GNAI2: variants seen among roughly 807,000 people sequenced by gnomAD.
GNAI2 encodes guanine nucleotide-binding protein G(i) subunit alpha-2.
GNAI2 carries 4 observed loss-of-function variants against 36.8 expected under a neutral mutation model. That is an observed-to-expected ratio of 0.11 (90% CI 0.05 to 0.25). The LOEUF (loss-of-function observed/expected upper bound fraction) is 0.25, where lower values mean the gene tolerates loss of function less well. Ranked by LOEUF, GNAI2 falls within the 10% of genes least tolerant of loss-of-function variation. The pLI, the probability that GNAI2 is intolerant of heterozygous loss-of-function variation, is 1.00. For missense variants in GNAI2, 230 were observed against 481.3 expected (o/e 0.48, Z 4.89); for synonymous variants, 194 against 194.1 (o/e 1.00, Z 0.01).
intron 4 of GNAI2, among the ~76,000 whole-genome samples, chr3:50,254,848 C>T (rs1700650455): frequency 6.6e-6 from 1 of 152,238 alleles, no homozygotes; most frequent in Non-Finnish European, 1.5e-5. Context: ...CTTGATAGCT[C>T]CCCCTGGGAA....
At chr3:50,244,291 A>G (rs1397460743) in intron 1 of GNAI2, among the ~76,000 whole-genome samples, 4 of 152,060 alleles carry the variant, frequency 2.6e-5, no homozygotes, top group Admixed American at 2.6e-4. Flanking sequence ...GGCCTCCCAG[A>G]GTGCTGGGAT....
rs1339252509 is a variant in GNAI2, at chr3:50,242,879, A to G, written c.118+6426A>G. Among the ~76,000 whole-genome samples, 2 of 152,270 alleles carry G rather than the reference A, an allele frequency of 1.3e-5. No homozygotes were observed. Among genetic ancestry groups the G allele is most frequent in the African/African-American group, 4.8e-5 (2 of 41,554 alleles). On this transcript the variant is annotated intron_variant, in intron 1 of 8. Coordinates refer to ENST00000313601, the MANE Select transcript of GNAI2 (RefSeq NM_002070.4). This position sits in a 1 kb window ranked among gnomAD's most constrained non-coding sequence, Gnocchi z 4.8. ...GCTGCTGACAGCCTCAGGATATGCA[A>G]AGGAGGTGATGGCAGCACCTACTGT...
chr3:50,244,997 ATTTTT>A (rs11431707), intron 1 of GNAI2, among the ~76,000 whole-genome samples: 3 of 139,874 alleles, frequency 2.1e-5, no homozygotes, highest in Non-Finnish European at 4.7e-5. Flanking sequence ...TGATGCTGTG[ATTTTT>A]TTTTTTTTTT....
rs587738133 is a variant in GNAI2 at position 50,241,606 on chromosome 3, C to T, written c.118+5153C>T. Among the ~76,000 whole-genome samples, 7 of 152,252 alleles carry T rather than the reference C, an allele frequency of 4.6e-5. No homozygotes were observed. The highest frequency in any genetic ancestry group is 3.9e-4 in the East Asian group (2 of 5,188). On this transcript the variant is annotated intron_variant, in intron 1 of 8. Coordinates refer to ENST00000313601, the MANE Select transcript of GNAI2 (RefSeq NM_002070.4). This position sits in a 1 kb window ranked among gnomAD's most constrained non-coding sequence, Gnocchi z 5.0. The stretch of plus-strand genomic sequence containing the variant: ...GGAGCTCAGCTGGGGGCATCCCAGG[C>T]GGGTTGGGGAGAGGAACCCCAGACA...
rs1346751705 is a variant in GNAI2, at chr3:50,255,039, C to G, written c.465-1153C>G. On this transcript the variant is annotated intron_variant, in intron 4 of 8. Coordinates refer to ENST00000313601, the MANE Select transcript of GNAI2 (RefSeq NM_002070.4). The surrounding 1 kb of genome is among the most constrained non-coding windows in gnomAD (Gnocchi z 4.0). ...CATTGAGGACTCTGGCAGTAGGGGG[C>G]GGGGCATGGTATGCGGGTCACAGCA... 1.3e-5 allele frequency among the ~76,000 whole-genome samples: 2 copies of G among 152,174 alleles called. No homozygotes were observed. The highest frequency in any genetic ancestry group is 1.3e-4 in the Admixed American group (2 of 15,284).
At chr3:50,227,278 C>G, upstream of GNAI2, 1 of 696,316 alleles carries the variant, frequency 1.4e-6, no homozygotes, top group Non-Finnish European at 2.1e-6. This position sits in a 1 kb window ranked among gnomAD's most constrained non-coding sequence, Gnocchi z 5.9. Context: ...CCACAGAGGG[C>G]TAGTTGCAAG....
chr3:50,256,429 T>C, intron 5 of GNAI2, 109 bp downstream of exon 5: 3 of 1,057,182 alleles, frequency 2.8e-6, no homozygotes, highest in Non-Finnish European at 2.9e-6. Flanking sequence ...TTTACAAGGC[T>C]CATGTGTTCT....
chr3:50,257,597 G>A lies in GNAI2; in HGVS notation c.975G>A (p.Thr325=). 2 of 1,611,014 alleles carry A rather than the reference G, an allele frequency of 1.2e-6. No individual in the cohort carries two copies. Among genetic ancestry groups the A allele is most frequent in the East Asian group, 2.2e-5 (1 of 44,768 alleles). The stretch of plus-strand genomic sequence containing the variant: ...CCAAGGAGATCTACACGCACTTCAC[G>A]TGCGCCACCGACACCAAGAACGTGC... ...KDTKEIYTHF[T]CATDTKNVQF... is the part of the protein sequence containing the mutation. The change falls in exon 8 of 9, where the codon ACG becomes ACA. Residue 325 remains threonine, a synonymous_variant. Coordinates refer to ENST00000313601, the MANE Select transcript of GNAI2 (RefSeq NM_002070.4).
chr3:50,252,932 C>G lies in GNAI2; in HGVS notation c.304-92C>G. The G allele has an allele frequency of 9.8e-7, 1 of 1,021,462 alleles. No homozygotes were observed. Among genetic ancestry groups the G allele is most frequent in the South Asian group, 1.6e-5 (1 of 64,078 alleles). The allele number at this position is 1,021,462 out of a possible 1,614,324, so 63.3% of individuals were successfully genotyped here. On this transcript the variant is annotated intron_variant, in intron 3 of 8. Transcript: ENST00000313601. This position sits in a 1 kb window ranked among gnomAD's most constrained non-coding sequence, Gnocchi z 4.1. ...CTCATCCTAGGGAATCCAAGAATACCCTAGCCTGGGCCCCATTCCAGAGGT... is the reference window on the plus strand; with the variant it reads ...CTCATCCTAGGGAATCCAAGAATACGCTAGCCTGGGCCCCATTCCAGAGGT...
chr3:50,256,589 C>G, intron 5 of GNAI2, 134 bp from the exon 6 acceptor site: 1 of 969,456 alleles, frequency 1.0e-6, no homozygotes, highest in South Asian at 1.5e-5. Flanking sequence ...GTGAAGTGGG[C>G]AAGTGTGGAT....
At chr3:50,244,910 G>T (rs1360039965) in intron 1 of GNAI2, among the ~76,000 whole-genome samples, 1 of 152,168 alleles carries the variant, frequency 6.6e-6, no homozygotes, top group Non-Finnish European at 1.5e-5. Flanking sequence ...CAAGACTGTG[G>T]GTCCCAGAGG....
At chr3:50,227,211 A>G, upstream of GNAI2, 1 of 1,388,862 alleles carries the variant, frequency 7.2e-7, no homozygotes. This position sits in a 1 kb window ranked among gnomAD's most constrained non-coding sequence, Gnocchi z 5.9. Flanking sequence ...GATGGCGGCT[A>G]TCGCGGAGGA....
At chr3:50,228,188 A>G (rs962295455), upstream of GNAI2, among the ~76,000 whole-genome samples, 2 of 152,066 alleles carry the variant, frequency 1.3e-5, no homozygotes, top group African/African-American at 4.8e-5. Context: ...CCCACCTCCT[A>G]TCCTCCCATC....
chr3:50,235,816 G>GGCT (rs1262616339), upstream of GNAI2: 1 of 152,256 alleles, frequency 6.6e-6, no homozygotes, highest in African/African-American at 2.4e-5. Flanking sequence ...AAGCTCAGAG[G>GGCT]GCTGGTTCCT....
At position 50,252,268 on chromosome 3, in the gene GNAI2, A is replaced by G; in HGVS notation, c.161+126A>G. ...AGGCCCAGAATCTTCTGAGAAGCAG[A>G]AGGACCCTCAGGTCCCAGTGGGTCA... On this transcript the variant is annotated intron_variant, in intron 2 of 8. Coordinates refer to ENST00000313601, the MANE Select transcript of GNAI2 (RefSeq NM_002070.4). This position sits in a 1 kb window ranked among gnomAD's most constrained non-coding sequence, Gnocchi z 4.1. The G allele has an allele frequency of 7.2e-7, 1 of 1,387,044 alleles. No homozygotes were observed. Among genetic ancestry groups the G allele is most frequent in the Non-Finnish European group, 1.0e-6 (1 of 983,052 alleles). The allele number at this position is 1,387,044 out of a possible 1,614,324, so 85.9% of individuals were successfully genotyped here.
chr3:50,244,278 C>G (rs1016939753), intron 1 of GNAI2, among the ~76,000 whole-genome samples: 1 of 152,170 alleles, frequency 6.6e-6, no homozygotes, highest in Non-Finnish European at 1.5e-5. Context: ...ATTCGCCTGC[C>G]TCGGCCTCCC....
At position 50,252,720 on chromosome 3, in the gene GNAI2, C is replaced by T. The variant is rs1475964138; in HGVS notation, c.303+182C>T. On this transcript the variant is annotated intron_variant, in intron 3 of 8. Transcript: ENST00000313601. The surrounding 1 kb of genome is among the most constrained non-coding windows in gnomAD (Gnocchi z 4.1). ...CTCTACTAAAAATACAAAAATTAGC[C>T]GAGCATGGTGGCACGTGCCTGTAAT... Among the ~76,000 whole-genome samples, 1 of 152,106 alleles carries T rather than the reference C, an allele frequency of 6.6e-6. No homozygotes were observed. Among genetic ancestry groups the T allele is most frequent in the Non-Finnish European group, 1.5e-5 (1 of 68,032 alleles).
intron 5 of GNAI2, 179 bp downstream of exon 5, chr3:50,256,499 A>G: frequency 1.4e-6 from 1 of 706,434 alleles, no homozygotes. Flanking sequence ...CACCTCTGCC[A>G]GCTGCTCACA....
rs1403526685 is a variant in GNAI2, at chr3:50,241,805, G to T, written c.118+5352G>T. 2.6e-5 allele frequency among the ~76,000 whole-genome samples: 4 copies of T among 152,178 alleles called. No homozygotes were observed. The highest frequency in any genetic ancestry group is 6.5e-5 in the Admixed American group (1 of 15,290). ...TGGATGGGGCCTGGGGATGGTCCGG[G>T]ACCCCTTTGGCCCTGGGCAGCTTGT... On this transcript the variant is annotated intron_variant, in intron 1 of 8. Coordinates refer to ENST00000313601, the MANE Select transcript of GNAI2 (RefSeq NM_002070.4). This position sits in a 1 kb window ranked among gnomAD's most constrained non-coding sequence, Gnocchi z 5.0.
Sources: gnomAD v4.1 joint callset for allele counts (sites outside exome capture counted in the v4.1 genomes callset) on GRCh38, gnomAD v4.1.1 for gene constraint, Gnocchi (gnomAD v3.1) non-coding constraint, MANE v1.5 for transcripts, NCBI Gene and HGNC (gene_info 2026-07-23, HGNC 2026-07-21) for gene names.